Variants in ABCA4 observed in about 807,000 individuals in gnomAD.
ABCA4 encodes the protein retinal-specific phospholipid-transporting ATPase ABCA4.
ABCA4 carries 196 observed loss-of-function variants against 263.7 expected under a neutral mutation model. That is an observed-to-expected ratio of 0.74 (90% CI 0.66 to 0.84). ABCA4 has a LOEUF of 0.84. Ranked by LOEUF, ABCA4 falls within the 40% of genes least tolerant of loss-of-function variation. ABCA4 has a pLI of 0.00. For synonymous variants in ABCA4, 1,133 were observed against 1,094.2 expected (o/e 1.04, Z -0.70); for missense variants, 2,792 against 2,855.1 (o/e 0.98, Z 0.50).
chr1:94,108,457 C>T, intron 4 of ABCA4, 120 bp downstream of exon 4: 1 of 1,442,340 alleles, frequency 6.9e-7, no homozygotes, highest in Non-Finnish European at 9.6e-7. Flanking sequence ...CGCCTCCAGA[C>T]CCCATCCCTT....
chr1:94,086,651 T>C (rs1661833924), intron 6 of ABCA4, among the ~76,000 whole-genome samples: 1 of 152,136 alleles, frequency 6.6e-6, no homozygotes, highest in Admixed American at 6.5e-5. Context: ...GGATAATCAA[T>C]GTTAACAATT....
In ABCA4 at chr1:94,055,181, G is replaced by A. The variant is rs138246242; in HGVS notation, c.2517C>T (p.Ser839=). 213 of 1,614,032 alleles carry A rather than the reference G, an allele frequency of 1.3e-4. No homozygotes were observed. The highest frequency in any genetic ancestry group is 1.8e-4 in the Non-Finnish European group (210 of 1,180,030). ...CAGCATCAAGGAGCATCATCTGCAT[G>A]GACAGCAGGAAGCTGAATTCGTCCC... ...TEGDEFSFLL[S]MQMMLLDAAV... The change falls in exon 16 of 50, where the codon TCC becomes TCT. Residue 839 remains serine (S), a synonymous_variant. Coordinates refer to ENST00000370225, the MANE Select transcript of ABCA4 (RefSeq NM_000350.3).
At chr1:94,072,742 C>T (rs1257707741) in intron 11 of ABCA4, among the ~76,000 whole-genome samples, 10 of 152,106 alleles carry the variant, frequency 6.6e-5, no homozygotes, top group Non-Finnish European at 1.5e-4. Context: ...ATGAATGTCT[C>T]CCCATGAGTG....
In ABCA4 at chr1:94,001,838, C is replaced by A; in HGVS notation, c.6282+20G>T. ...CAGCACTTGGTTTAAGCCCTTGGTG[C>A]GGCCCAAGCCCGCAGTTACCAGCAG... On this transcript the variant is annotated intron_variant, in intron 45 of 49. Transcript: ENST00000370225. The A allele has an allele frequency of 2.5e-6, 4 of 1,614,146 alleles. No individual in the cohort carries two copies. The highest frequency in any genetic ancestry group is 3.4e-6 in the Non-Finnish European group (4 of 1,180,020).
intron 38 of ABCA4, among the ~76,000 whole-genome samples, chr1:94,013,886 C>T (rs1346672764): frequency 6.6e-6 from 1 of 152,184 alleles, no homozygotes; most frequent in East Asian, 1.9e-4. Flanking sequence ...CTCCAGAGCA[C>T]ACAGGAAACT....
intron 44 of ABCA4, 117 bp downstream of exon 44, chr1:94,005,324 T>C (rs528846079): frequency 7.4e-7 from 1 of 1,351,890 alleles, no homozygotes; most frequent in Admixed American, 1.7e-5. Flanking sequence ...TAAACATTTG[T>C]TGGAATGAAT....
At chr1:94,077,660 G>T in intron 11 of ABCA4, 30 bp downstream of exon 11, 1 of 1,583,910 alleles carries the variant, frequency 6.3e-7, no homozygotes, top group South Asian at 1.2e-5. Flanking sequence ...TATCTTCAAG[G>T]GGCCCACTGT....
intron 1 of ABCA4, among the ~76,000 whole-genome samples, chr1:94,120,199 T>C (rs1662911334): frequency 6.6e-6 from 1 of 152,236 alleles, no homozygotes; most frequent in South Asian, 2.1e-4. Context: ...TCATGGACTA[T>C]TCCACCTATG....
At chr1:94,057,299 C>G (rs1321516858) in intron 14 of ABCA4, among the ~76,000 whole-genome samples, 1 of 152,188 alleles carries the variant, frequency 6.6e-6, no homozygotes, top group Middle Eastern at 3.2e-3. Context: ...TTTTAATGTG[C>G]CTAAGTTTCT....
At chr1:94,010,631 A>G (rs767742255) in intron 40 of ABCA4, 169 bp downstream of exon 40, 11 of 965,450 alleles carry the variant, frequency 1.1e-5, no homozygotes, top group Non-Finnish European at 1.8e-5. Context: ...GAATGTGCCT[A>G]TTTTAACCCG....
chr1:94,103,238 C>T (rs1213598165), intron 4 of ABCA4, 96 bp from the exon 5 acceptor site: 8 of 1,480,980 alleles, frequency 5.4e-6, no homozygotes, highest in East Asian at 2.3e-5. Context: ...TGTAACTCAA[C>T]TCTCAGAGGA....
At chr1:94,094,159 G>A (rs2068334) in intron 6 of ABCA4, among the ~76,000 whole-genome samples, 25,892 of 152,086 alleles carry the variant, frequency 0.17, 2,426 homozygotes, top group East Asian at 0.38. Context: ...GACACTTGAC[G>A]TAGCAATATC....
At chr1:94,001,501 C>T (rs183650349) in intron 45 of ABCA4, 113 of 544,160 alleles carry the variant, frequency 2.1e-4, no homozygotes, top group Admixed American at 3.8e-4. Flanking sequence ...TCAGGCCTGG[C>T]CTGGCTCAGC....
intron 29 of ABCA4, 74 bp from the exon 30 acceptor site, chr1:94,029,705 G>A: frequency 7.0e-7 from 1 of 1,421,216 alleles, no homozygotes; most frequent in East Asian, 2.4e-5. Flanking sequence ...AAGAAATTGT[G>A]CCCAACCCTT....
Position 94,037,211 on chromosome 1 carries a change from C to A in ABCA4, c.3747G>T (p.Glu1249Asp). The A allele has an allele frequency of 6.2e-7, 1 of 1,614,218 alleles. No individual in the cohort carries two copies. Among genetic ancestry groups the A allele is most frequent in the Non-Finnish European group, 8.5e-7 (1 of 1,180,044 alleles). The change falls in exon 25 of 50, where the codon GAG becomes GAT. Residue 1249 changes from glutamate to aspartate, a missense_variant. Glu to Asp is a conservative substitution (Grantham distance 45). Coordinates refer to ENST00000370225, the MANE Select transcript of ABCA4 (RefSeq NM_000350.3). ...CAAGGTCAGCCAGCGTCTCCTCCAG[C>A]TCTCTGAAAAGGCTGGCATATGCTC... The part of the protein sequence containing the change: ...KHRAYASLFR[E>D]LEETLADLGL...
At chr1:94,049,064 C>T in intron 17 of ABCA4, 107 bp from the exon 18 acceptor site, 1 of 1,001,882 alleles carries the variant, frequency 1.0e-6, no homozygotes, top group African/African-American at 1.6e-5. Context: ...CCTAGCCAGC[C>T]TTTGACCTGC....
intron 28 of ABCA4, 132 bp downstream of exon 28, chr1:94,030,864 A>T (rs1660181155): frequency 7.4e-7 from 1 of 1,360,476 alleles, no homozygotes; most frequent in Admixed American, 1.9e-5. Flanking sequence ...TTCTGCAGGC[A>T]GCCCAAAGAC....
rs200436535 is a variant in ABCA4 at position 94,044,579 on chromosome 1, G to A, written c.3050+34C>T. The A allele has an allele frequency of 8.4e-5, 135 of 1,614,164 alleles. No homozygotes were observed. The African/African-American group carries it at 1.7e-3, about 20-fold the overall frequency. ...GTGCTGGGGGCAGAGGTGAGGAGAG[G>A]GGATGGGGCGGTCTCAGTTCCTGTG... On this transcript the variant is annotated intron_variant, in intron 20 of 49. Transcript: ENST00000370225.
At chr1:94,060,886 C>A (rs759083643) in intron 13 of ABCA4, 127 bp from the exon 14 acceptor site, 10 of 782,804 alleles carry the variant, frequency 1.3e-5, no homozygotes, top group Non-Finnish European at 2.0e-5. Flanking sequence ...AGGAAAACCT[C>A]CCCTGGACAT....
Sources: allele counts gnomAD v4.1 joint callset (sites outside exome capture counted in the v4.1 genomes callset), GRCh38; gene constraint gnomAD v4.1.1; transcripts MANE v1.5; gene names NCBI Gene and HGNC (gene_info 2026-07-23, HGNC 2026-07-21).